CABLES1: variants seen among roughly 807,000 people sequenced by gnomAD.
The protein encoded by CABLES1 is Cdk5 and Abl enzyme substrate 1.
In CABLES1, 36 loss-of-function variants were observed where a neutral mutation model predicts 57.8. The ratio of observed to expected loss-of-function variants is 0.62; its 90% CI spans 0.48 to 0.82. The LOEUF is 0.82. Among genes scored for constraint, CABLES1 ranks in the 40% least tolerant of loss-of-function variants. The pLI, the probability that CABLES1 is intolerant of heterozygous loss-of-function variation, is 0.00. For synonymous variants in CABLES1, 374 were observed against 363.0 expected, an observed-to-expected ratio of 1.03 and a Z score of -0.35; for missense variants, 767 against 836.6, an observed-to-expected ratio of 0.92 and a Z score of 1.03.
intron 1 of CABLES1, among the ~76,000 whole-genome samples, chr18:23,163,891 TA>T (rs2047022589): frequency 6.6e-6 from 1 of 152,110 alleles, no homozygotes; most frequent in African/African-American, 2.4e-5. Flanking sequence ...AGTAAGAGTT[TA>T]AAAAATATTA....
chr18:23,246,600 C>T lies in CABLES1; in HGVS notation c.1447-6360C>T, dbSNP rs569613286. On this transcript the variant is annotated intron_variant, in intron 7 of 9. Transcript: ENST00000256925. ...TAGAGATGGGGTTTCACCGTGTTAG[C>T]CAGGATGGTCTCGATCTCCTGACCT... Among the ~76,000 whole-genome samples, 28 of 151,882 alleles carry T rather than the reference C, an allele frequency of 1.8e-4. No homozygotes were observed. The South Asian group carries it at 5.4e-3, about 29-fold the overall frequency.
rs558085941 is a variant in CABLES1, at chr18:23,165,757, A to G, written c.846-23081A>G. 5.2e-4 allele frequency among the ~76,000 whole-genome samples: 79 copies of G among 152,324 alleles called. 1 individual carries two copies. The highest frequency in any genetic ancestry group is 3.5e-4 in the Non-Finnish European group (24 of 68,040). On this transcript the variant is annotated intron_variant, in intron 1 of 9. Transcript: ENST00000256925. ...ACTTTGCTTATTCGTTCATTCTTCG[A>G]TGGACACTTGGTTGCTTCCACTTTT...
chr18:23,228,746 TAAAA>T (rs572362933), intron 4 of CABLES1, among the ~76,000 whole-genome samples: 3 of 125,728 alleles, frequency 2.4e-5, no homozygotes, highest in African/African-American at 9.1e-5. Context: ...AGCCTTTGTT[TAAAA>T]AAAAAAAAAA....
At chr18:23,136,819 C>T (rs1320068417) in intron 1 of CABLES1, among the ~76,000 whole-genome samples, 1 of 152,238 alleles carries the variant, frequency 6.6e-6, no homozygotes, top group East Asian at 1.9e-4. Flanking sequence ...TGCACGAGCC[C>T]AGCATTCGCA....
At chr18:23,181,351 C>A (rs2047164392) in intron 1 of CABLES1, among the ~76,000 whole-genome samples, 1 of 151,924 alleles carries the variant, frequency 6.6e-6, no homozygotes, top group East Asian at 1.9e-4. Flanking sequence ...AAAAAATTAG[C>A]CGGATGTGGT....
intron 1 of CABLES1, among the ~76,000 whole-genome samples, chr18:23,160,078 C>T (rs2046993092): frequency 6.6e-6 from 1 of 150,506 alleles, no homozygotes; most frequent in Non-Finnish European, 1.5e-5. Context: ...CACTCTGTCA[C>T]CCAGGTTGGA....
At chr18:23,237,030 C>T in intron 6 of CABLES1, 112 bp from the exon 7 acceptor site, 1 of 735,462 alleles carries the variant, frequency 1.4e-6, no homozygotes, top group South Asian at 1.5e-5. Context: ...GCTAAGTGCC[C>T]TAAAGCCAGC....
At chr18:23,169,767 G>C (rs2047069095) in intron 1 of CABLES1, among the ~76,000 whole-genome samples, 1 of 152,216 alleles carries the variant, frequency 6.6e-6, no homozygotes, top group South Asian at 2.1e-4. Flanking sequence ...AGCTTCTGGA[G>C]ACCTCATCAG....
chr18:23,208,092 C>A (rs948993599), intron 3 of CABLES1, among the ~76,000 whole-genome samples: 1 of 152,198 alleles, frequency 6.6e-6, no homozygotes, highest in African/African-American at 2.4e-5. Flanking sequence ...TCCTCCTAGG[C>A]CAGCCCCAGC....
At chr18:23,175,708 C>CA (rs1324780728) in intron 1 of CABLES1, among the ~76,000 whole-genome samples, 2 of 152,190 alleles carry the variant, frequency 1.3e-5, no homozygotes, top group African/African-American at 4.8e-5. Context: ...CTTGGCTTCC[C>CA]AAAGTCTCAG....
At chr18:23,150,225 T>TTG (rs33984804) in intron 1 of CABLES1, among the ~76,000 whole-genome samples, 2 of 148,946 alleles carry the variant, frequency 1.3e-5, no homozygotes, top group African/African-American at 5.0e-5. Context: ...TTTTTTTTTT[T>TTG]TGAGACGGAG....
In CABLES1 at chr18:23,235,938, G is replaced by A. The variant is rs752011887; in HGVS notation, c.1229G>A (p.Gly410Glu). ...TQFLLPTNAF[G>E]ARRNTIDSTS... ...TTTCTGTTACCCACAAATGCCTTTG[G>A]AGCCCGGAGAAATACCATAGACTCC... The change falls in exon 6 of 10, where the codon GGA becomes GAA. Residue 410 changes from glycine to glutamate, a missense_variant. Around this residue, in one of 4 missense-constraint regions of CABLES1, gnomAD observed 529 missense variants for 622.8 expected, o/e 0.85. Coordinates refer to ENST00000256925, the MANE Select transcript of CABLES1 (RefSeq NM_001100619.3). 18 of 1,614,138 alleles carry A rather than the reference G, an allele frequency of 1.1e-5. No individual in the cohort carries two copies. In the South Asian group the frequency reaches 1.9e-4, roughly 17 times the overall value.
chr18:23,236,182 C>A (rs2047609069), intron 6 of CABLES1, 131 bp downstream of exon 6: 1 of 992,780 alleles, frequency 1.0e-6, no homozygotes, highest in Non-Finnish European at 1.5e-6. Context: ...TTTAGGAAAG[C>A]CTGATCTCAA....
chr18:23,224,109 T>G (rs1251221068), intron 4 of CABLES1, among the ~76,000 whole-genome samples: 1 of 147,612 alleles, frequency 6.8e-6, no homozygotes. Flanking sequence ...GACTGTCGGC[T>G]TCCACTTTTT....
rs146136771 is a variant in CABLES1, at chr18:23,167,906, C to G, written c.846-20932C>G. 1.4e-4 allele frequency among the ~76,000 whole-genome samples: 22 copies of G among 152,322 alleles called. No homozygotes were observed. The East Asian group carries it at 4.1e-3, about 28-fold the overall frequency. On this transcript the variant is annotated intron_variant, in intron 1 of 9. Transcript: ENST00000256925. ...GACAGGGCATGCAGGCGCTCGCGCCCTTCGGTTCATGCACACGCTTAAATG... is the reference window on the plus strand; with the variant it reads ...GACAGGGCATGCAGGCGCTCGCGCCGTTCGGTTCATGCACACGCTTAAATG...
chr18:23,247,572 G>T (rs1163148924), intron 7 of CABLES1, among the ~76,000 whole-genome samples: 2 of 152,226 alleles, frequency 1.3e-5, no homozygotes, highest in Admixed American at 6.5e-5. Flanking sequence ...GGTGCCTGCC[G>T]CTGTCGACAT....
chr18:23,156,415 C>T (rs1338332736), intron 1 of CABLES1, among the ~76,000 whole-genome samples: 1 of 152,220 alleles, frequency 6.6e-6, no homozygotes, highest in Non-Finnish European at 1.5e-5. Flanking sequence ...TTGTGTGTTT[C>T]CTGTTTCGCT....
intron 1 of CABLES1, chr18:23,155,885 C>A: frequency 1.9e-6 from 3 of 1,613,776 alleles, no homozygotes; most frequent in Non-Finnish European, 2.5e-6. Context: ...GGTCTGAAGC[C>A]TCTGCCTCCT....
At chr18:23,206,764 CAAAA>C (rs2047366653) in intron 3 of CABLES1, among the ~76,000 whole-genome samples, 1 of 150,562 alleles carries the variant, frequency 6.6e-6, no homozygotes, top group Non-Finnish European at 1.5e-5. Flanking sequence ...CAGTATTAAA[CAAAA>C]AATTTAAACA....
Sources: gnomAD v4.1 joint callset for allele counts (sites outside exome capture counted in the v4.1 genomes callset) on GRCh38, gnomAD v4.1.1 for gene constraint, gnomAD v4.1.1 regional missense constraint, MANE v1.5 for transcripts, NCBI Gene and HGNC (gene_info 2026-07-23, HGNC 2026-07-21) for gene names.